DYSF: variants seen among roughly 807,000 people sequenced by gnomAD.
The protein encoded by DYSF is dystrophy-associated fer-1-like 1.
Under a neutral mutation model 274.9 loss-of-function variants are expected in DYSF, and 212 were observed. The observed-to-expected ratio is 0.77, with a 90% CI of 0.69 to 0.86. DYSF has a LOEUF of 0.86. Among genes scored for constraint, DYSF ranks in the 40% least tolerant of loss-of-function variants. The pLI, the probability that DYSF is intolerant of heterozygous loss-of-function variation, is 0.00. For missense variants in DYSF, 2,666 were observed against 2,783.2 expected (o/e 0.96, Z 0.95); for synonymous variants, 1,091 against 1,078.7 (o/e 1.01, Z -0.22).
intron 36 of DYSF, 78 bp downstream of exon 36, chr2:71,602,883 AGCCTTCC>A: frequency 6.4e-7 from 1 of 1,561,330 alleles, no homozygotes; most frequent in Non-Finnish European, 8.7e-7. Flanking sequence ...ACACACCTGG[AGCCTTCC>A]AGGTTCCTGG....
intron 47 of DYSF, among the ~76,000 whole-genome samples, 185 bp from the exon 48 acceptor site, chr2:71,667,191 A>G (rs946511063): frequency 1.3e-5 from 2 of 152,196 alleles, no homozygotes; most frequent in African/African-American, 2.4e-5. Flanking sequence ...AGTGGACAGC[A>G]AGATTTCCCC....
intron 1 of DYSF, among the ~76,000 whole-genome samples, chr2:71,471,705 C>T (rs1448235165): frequency 1.3e-5 from 2 of 152,128 alleles, no homozygotes; most frequent in African/African-American, 4.8e-5. Flanking sequence ...TGTGGTGGCT[C>T]ACGCCTGTAA....
chr2:71,612,828 G>T (rs1482333403), intron 39 of DYSF, 22 bp downstream of exon 39: 1 of 1,602,804 alleles, frequency 6.2e-7, no homozygotes, highest in East Asian at 2.2e-5. Flanking sequence ...GGAGATGATG[G>T]GCAGGTCAGG....
chr2:71,535,436 C>A (rs1160408487), intron 16 of DYSF, 125 bp downstream of exon 16: 1 of 1,035,916 alleles, frequency 9.7e-7, no homozygotes, highest in Non-Finnish European at 1.5e-6. Context: ...GAGGTAATGT[C>A]CCCTTGGGGT....
intron 32 of DYSF, among the ~76,000 whole-genome samples, chr2:71,595,361 G>A (rs1314110757): frequency 6.6e-6 from 1 of 152,192 alleles, no homozygotes; most frequent in Non-Finnish European, 1.5e-5. Flanking sequence ...GTGGCATGGT[G>A]GAAGGAGCAC....
intron 41 of DYSF, among the ~76,000 whole-genome samples, chr2:71,631,508 TGCCCGTCA>T (rs2094311898): frequency 6.6e-6 from 1 of 152,236 alleles, no homozygotes; most frequent in African/African-American, 2.4e-5. Flanking sequence ...GGAGGTTTGA[TGCCCGTCA>T]CTGGTGTAAT....
rs1168726964 is a variant in DYSF, at chr2:71,613,552, AG to A, written c.4464+143del. On this transcript the variant is annotated intron_variant, in intron 40 of 55. Transcript: ENST00000410020. The stretch of plus-strand genomic sequence containing the variant: ...TGGGCTCTGCGGTTGGACACTGTCC[AG>A]TAGAGAGACCCAGATGGGAGCTTTC... 3.8e-6 allele frequency: 3 copies of A among 798,402 alleles called. No individual in the cohort carries two copies. The African/African-American group carries it at 5.1e-5, about 14-fold the overall frequency. The allele number at this position is 798,402 out of a possible 1,614,324, so 49.5% of individuals were successfully genotyped here.
At chr2:71,648,739 C>G (rs1029795038) in intron 42 of DYSF, among the ~76,000 whole-genome samples, 3 of 152,244 alleles carry the variant, frequency 2.0e-5, no homozygotes, top group Admixed American at 1.3e-4. Context: ...TACCTCCTCC[C>G]CACCTCTTGA....
intron 13 of DYSF, 106 bp downstream of exon 13, chr2:71,526,452 G>C (rs780635080): frequency 4.7e-5 from 69 of 1,471,414 alleles, no homozygotes; most frequent in Admixed American, 6.7e-5. Flanking sequence ...GGGAAGGAGA[G>C]GCGTCTAGGA....
chr2:71,519,320 T>C (rs2086985153), intron 10 of DYSF, among the ~76,000 whole-genome samples: 1 of 152,128 alleles, frequency 6.6e-6, no homozygotes, highest in Non-Finnish European at 1.5e-5. Context: ...GTTTTGAGTC[T>C]TGTTCTGAGA....
Position 71,672,588 on chromosome 2 carries a change from C to T in DYSF, c.5785-1609C>T, listed in dbSNP as rs1482093201. Among the ~76,000 whole-genome samples the T allele has an allele frequency of 2.6e-5, 4 of 152,186 alleles. No individual in the cohort carries two copies. The East Asian group carries it at 5.8e-4, about 22-fold the overall frequency. On this transcript the variant is annotated intron_variant, in intron 51 of 55. Coordinates refer to ENST00000410020, the MANE Select transcript of DYSF (RefSeq NM_001130987.2). ...CCTGCAAATAAACAGCTAGTAAAAGCGCCCAGGCCAGGAGCATAATGAGCG... is the reference window on the plus strand; with the variant it reads ...CCTGCAAATAAACAGCTAGTAAAAGTGCCCAGGCCAGGAGCATAATGAGCG...
intron 3 of DYSF, among the ~76,000 whole-genome samples, chr2:71,497,606 G>A (rs369589924): frequency 1.1e-4 from 17 of 151,910 alleles, no homozygotes; most frequent in African/African-American, 4.1e-4. Flanking sequence ...CCAGTCTCAG[G>A]TATATCTTCA....
chr2:71,634,169 A>G (rs1057110346), intron 41 of DYSF, among the ~76,000 whole-genome samples: 2 of 152,162 alleles, frequency 1.3e-5, no homozygotes, highest in African/African-American at 4.8e-5. Flanking sequence ...AACCTTGAGC[A>G]TGGGGGAGTG....
upstream of DYSF, among the ~76,000 whole-genome samples, chr2:71,463,809 T>C (rs558325789): frequency 1.6e-4 from 25 of 152,304 alleles, no homozygotes; most frequent in African/African-American, 5.5e-4. Flanking sequence ...GCTAGACCAA[T>C]AGCCGTTGCC....
At chr2:71,530,017 G>T (rs1169633661) in intron 14 of DYSF, among the ~76,000 whole-genome samples, 1 of 142,722 alleles carries the variant, frequency 7.0e-6, no homozygotes, top group Admixed American at 7.0e-5. Context: ...CAGGGTCCCA[G>T]TGAAAATGTA....
At chr2:71,671,055 G>A (rs1432149153) in intron 51 of DYSF, among the ~76,000 whole-genome samples, 2 of 152,096 alleles carry the variant, frequency 1.3e-5, no homozygotes, top group Non-Finnish European at 2.9e-5. Context: ...GCATTTTCTT[G>A]ATTCTCTTCA....
chr2:71,602,655 G>A, intron 35 of DYSF, 121 bp from the exon 36 acceptor site: 1 of 986,294 alleles, frequency 1.0e-6, no homozygotes, highest in Non-Finnish European at 1.6e-6. Context: ...CTTAGTGGTG[G>A]CATCTGGCAT....
chr2:71,587,942 A>G (rs2093127443), intron 30 of DYSF, among the ~76,000 whole-genome samples: 1 of 152,196 alleles, frequency 6.6e-6, no homozygotes, highest in South Asian at 2.1e-4. Flanking sequence ...GGCCCTTTGC[A>G]GCAAGGGAGC....
At chr2:71,519,219 TA>T (rs1176695929) in intron 10 of DYSF, among the ~76,000 whole-genome samples, 1 of 150,898 alleles carries the variant, frequency 6.6e-6, no homozygotes, top group African/African-American at 2.4e-5. Context: ...AGTCACAAGA[TA>T]AAAAACTAAG....
Sources: allele counts gnomAD v4.1 joint callset (sites outside exome capture counted in the v4.1 genomes callset), GRCh38; gene constraint gnomAD v4.1.1; transcripts MANE v1.5; gene names NCBI Gene and HGNC (gene_info 2026-07-23, HGNC 2026-07-21).